Variants in LRBA observed in about 807,000 individuals in gnomAD.
LRBA encodes the protein LPS responsive beige-like anchor protein.
LRBA carries 176 observed loss-of-function variants against 330.0 expected under a neutral mutation model. The ratio of observed to expected loss-of-function variants is 0.53; its 90% CI spans 0.47 to 0.60. LRBA has a LOEUF of 0.60. Among genes scored for constraint, LRBA ranks in the 20% least tolerant of loss-of-function variants. The probability of loss-of-function intolerance (pLI) is 0.00; values close to 1 mark genes in which losing one functional copy is unlikely to be tolerated. For synonymous variants in LRBA, 1,230 were observed against 1,193.0 expected, an observed-to-expected ratio of 1.03 and a Z score of -0.64; for missense variants, 3,259 against 3,444.8, an observed-to-expected ratio of 0.95 and a Z score of 1.35.
intron 38 of LRBA, 98 bp downstream of exon 38, chr4:150,598,909 T>G: frequency 7.1e-7 from 1 of 1,417,408 alleles, no homozygotes. Context: ...AAATGTGGTG[T>G]TGGACCATTT....
intron 4 of LRBA, among the ~76,000 whole-genome samples, chr4:150,927,145 C>T (rs899534396): frequency 1.3e-5 from 2 of 151,362 alleles, no homozygotes; most frequent in African/African-American, 2.4e-5. Context: ...GAGGCCAAGG[C>T]GGGCAGATCA....
intron 40 of LRBA, among the ~76,000 whole-genome samples, chr4:150,542,419 G>T (rs1016972741): frequency 6.6e-6 from 1 of 152,126 alleles, no homozygotes; most frequent in African/African-American, 2.4e-5. Flanking sequence ...GTCATTTCTT[G>T]TTATTGTTAT....
chr4:151,014,353 T>C (rs904120479), intron 2 of LRBA, 74 bp downstream of exon 2: 11 of 1,258,522 alleles, frequency 8.7e-6, no homozygotes, highest in South Asian at 5.2e-5. Context: ...GTAAACCACA[T>C]GGCTCCAGCT....
intron 2 of LRBA, among the ~76,000 whole-genome samples, chr4:150,999,459 G>A (rs953571568): frequency 6.6e-6 from 1 of 151,470 alleles, no homozygotes; most frequent in African/African-American, 2.4e-5. Context: ...TAGAGATAAG[G>A]TCTATGTTGC....
At chr4:150,504,088 T>A (rs1289311002) in intron 40 of LRBA, among the ~76,000 whole-genome samples, 1 of 152,150 alleles carries the variant, frequency 6.6e-6, no homozygotes, top group African/African-American at 2.4e-5. Context: ...AATATGGGAC[T>A]ATGTGAAAAG....
chr4:150,557,334 T>C (rs751820276), intron 40 of LRBA, among the ~76,000 whole-genome samples: 4 of 152,116 alleles, frequency 2.6e-5, no homozygotes, highest in Non-Finnish European at 5.9e-5. Flanking sequence ...CAGAAGTGTA[T>C]AAAGTTAAGG....
intron 40 of LRBA, among the ~76,000 whole-genome samples, chr4:150,536,613 A>C (rs1764683106): frequency 6.6e-6 from 1 of 152,236 alleles, no homozygotes; most frequent in Non-Finnish European, 1.5e-5. Context: ...ATGTATTTCC[A>C]TGAACAGTAT....
rs781554116 is a variant in LRBA, at chr4:150,928,591, C to T, written c.474G>A (p.Val158=). 6.2e-7 allele frequency: 1 copy of T among 1,613,594 alleles called. No individual in the cohort carries two copies. Among genetic ancestry groups the T allele is most frequent in the Non-Finnish European group, 8.5e-7 (1 of 1,179,700 alleles). Residue 158 remains valine (V), a synonymous_variant, in exon 4 of 57, where the codon GTG becomes GTA. Transcript: ENST00000651943. ...IADLLVDMLG[V]LASYNLTVRE... ...GAACTGTCAAATTATAGCTAGCCAG[C>T]ACTCCCAACATGTCAACCAAAAGAT...
rs1476643753 is a variant in LRBA at position 150,895,535 on chromosome 4, T to C, written c.2067+859A>G. ...ACCTATGAGTGAGAACATGTGGTGTTTGGTTTTTTGTCCTTGCAATAGTTT... is the reference window on the plus strand; with the variant it reads ...ACCTATGAGTGAGAACATGTGGTGTCTGGTTTTTTGTCCTTGCAATAGTTT... On this transcript the variant is annotated intron_variant, in intron 16 of 56. Transcript: ENST00000651943. Among the ~76,000 whole-genome samples the C allele has an allele frequency of 2.0e-5, 3 of 152,308 alleles. No individual in the cohort carries two copies. In the South Asian group the frequency reaches 6.2e-4, roughly 32 times the overall value.
intron 35 of LRBA, among the ~76,000 whole-genome samples, chr4:150,743,490 A>T (rs182914294): frequency 4.7e-4 from 71 of 152,348 alleles, no homozygotes; most frequent in Admixed American, 9.8e-4. Flanking sequence ...GAATATTATG[A>T]ACAATATGAG....
chr4:150,364,995 A>AGT (rs1029829273), intron 47 of LRBA, among the ~76,000 whole-genome samples: 55 of 151,428 alleles, frequency 3.6e-4, no homozygotes, highest in African/African-American at 9.9e-4. Flanking sequence ...ACAGAGAGAA[A>AGT]GTGTGTGTGT....
Position 150,746,752 on chromosome 4 carries a change from C to T in LRBA, c.5646-11386G>A, listed in dbSNP as rs186624388. ...GTCTTGATTTCCTGACCTTGTGATCCGCCCACCTCAGCCTCCCAAAGTGCT... is the reference window on the plus strand; with the variant it reads ...GTCTTGATTTCCTGACCTTGTGATCTGCCCACCTCAGCCTCCCAAAGTGCT... On this transcript the variant is annotated intron_variant, in intron 35 of 56. Transcript: ENST00000651943. 4.3e-3 allele frequency among the ~76,000 whole-genome samples: 647 copies of T among 152,084 alleles called. 4 individuals are homozygous for T. Among genetic ancestry groups the T allele is most frequent in the African/African-American group, 0.015 (623 of 41,484 alleles).
At chr4:150,678,875 T>C (rs1300031441) in intron 37 of LRBA, among the ~76,000 whole-genome samples, 2 of 152,210 alleles carry the variant, frequency 1.3e-5, no homozygotes, top group Non-Finnish European at 2.9e-5. Context: ...AGTACCCATT[T>C]GCTTGATTAT....
At chr4:150,987,271 A>T (rs914418361) in intron 2 of LRBA, among the ~76,000 whole-genome samples, 4 of 152,190 alleles carry the variant, frequency 2.6e-5, no homozygotes, top group Non-Finnish European at 4.4e-5. Flanking sequence ...GAGCAAAACA[A>T]AAATACATCA....
chr4:150,981,623 T>A (rs2149605618), intron 2 of LRBA, among the ~76,000 whole-genome samples: 2 of 151,378 alleles, frequency 1.3e-5, no homozygotes. Context: ...CAGAAACAAA[T>A]CCATACAACT....
At chr4:151,014,135 A>C (rs1745160542) in intron 2 of LRBA, 1 of 254,430 alleles carries the variant, frequency 3.9e-6, no homozygotes, top group Non-Finnish European at 7.5e-6. Context: ...AAAAAAAATT[A>C]GAGATAACTC....
chr4:150,310,178 A>T (rs767258809), intron 52 of LRBA, 51 bp downstream of exon 52: 9 of 1,322,312 alleles, frequency 6.8e-6, no homozygotes, highest in Non-Finnish European at 7.6e-6. Flanking sequence ...TAAGCCTCTC[A>T]ATACTACTTA....
intron 31 of LRBA, among the ~76,000 whole-genome samples, chr4:150,809,894 CGATACG>C (rs1743423580): frequency 6.7e-6 from 1 of 149,968 alleles, no homozygotes; most frequent in Admixed American, 6.7e-5. Context: ...CGATACGATA[CGATACG>C]ATACGATACG....
chr4:150,320,288 A>T (rs563167755), intron 50 of LRBA, among the ~76,000 whole-genome samples: 1 of 152,144 alleles, frequency 6.6e-6, no homozygotes, highest in Non-Finnish European at 1.5e-5. Context: ...TAAACTTTCA[A>T]TGCCTCTTTA....
Sources: allele counts gnomAD v4.1 joint callset (sites outside exome capture counted in the v4.1 genomes callset), GRCh38; gene constraint gnomAD v4.1.1; transcripts MANE v1.5; gene names NCBI Gene and HGNC (gene_info 2026-07-23, HGNC 2026-07-21).